PRPF18: variants seen among roughly 807,000 people sequenced by gnomAD.
The protein encoded by PRPF18 is pre-mRNA processing factor 18.
A neutral mutation model predicts 46.5 loss-of-function variants in PRPF18; 38 were observed. The observed-to-expected ratio is 0.82, with a 90% CI of 0.63 to 1.07. The LOEUF (loss-of-function observed/expected upper bound fraction) is 1.07. Among genes scored for constraint, PRPF18 ranks in the 50% least tolerant of loss-of-function variants. The pLI is 0.00. For missense variants in PRPF18, 263 were observed against 410.0 expected (o/e 0.64, Z 3.10); for synonymous variants, 152 against 146.7 (o/e 1.04, Z -0.26).
rs2133643375 is a variant in PRPF18, at chr10:13,610,188, A to G, written c.510+3A>G. The stretch of plus-strand genomic sequence containing the variant: ...ACACCACAATTGAAGAGTTAGAGGT[A>G]ATCTCTACACCAAGCCCAGCACATC... On this transcript the variant is annotated splice_donor_region_variant and intron_variant, in intron 5 of 9. Coordinates refer to ENST00000378572, the MANE Select transcript of PRPF18 (RefSeq NM_003675.4). 1.2e-6 allele frequency: 2 copies of G among 1,612,788 alleles called. No homozygotes were observed. The highest frequency in any genetic ancestry group is 1.7e-6 in the Non-Finnish European group (2 of 1,179,152).
intron 4 of PRPF18, among the ~76,000 whole-genome samples, chr10:13,608,263 C>T (rs981472297): frequency 1.6e-4 from 25 of 152,180 alleles, no homozygotes; most frequent in Non-Finnish European, 1.5e-4. Flanking sequence ...ATGAAGGCTG[C>T]GGCCGAAATC....
At chr10:13,602,296 CTT>C (rs1340716031) in intron 3 of PRPF18, among the ~76,000 whole-genome samples, 1 of 152,048 alleles carries the variant, frequency 6.6e-6, no homozygotes, top group Non-Finnish European at 1.5e-5. Flanking sequence ...GTTAATGTCT[CTT>C]GTTTTGTGGA....
At chr10:13,648,749 A>C in the PRPF18 span, 3 of 152,216 alleles carry the variant, frequency 2.0e-5, no homozygotes, top group African/African-American at 7.2e-5. Flanking sequence ...TTCATATGTA[A>C]CTAACGAATA....
the PRPF18 span, chr10:13,643,071 T>A: frequency 1.3e-5 from 2 of 152,290 alleles, no homozygotes; most frequent in Non-Finnish European, 2.9e-5. Context: ...AGTCACCATT[T>A]CATCTGTAAG....
chr10:13,610,650 C>T (rs2080256782), intron 5 of PRPF18, among the ~76,000 whole-genome samples: 1 of 152,136 alleles, frequency 6.6e-6, no homozygotes, highest in South Asian at 2.1e-4. Context: ...TTTTTGTTCT[C>T]CGGTAATGAT....
At chr10:13,644,985 A>G in the PRPF18 span, 1 of 152,252 alleles carries the variant, frequency 6.6e-6, no homozygotes, top group African/African-American at 2.4e-5. Context: ...CCAGCCATGC[A>G]TGGAGCTGGG....
chr10:13,642,626 C>T, the PRPF18 span: 54 of 152,210 alleles, frequency 3.5e-4, no homozygotes, highest in African/African-American at 1.3e-3. Flanking sequence ...ATCTTCCTAT[C>T]TACCAGTTGC....
At chr10:13,624,710 G>T (rs2080472511) in intron 9 of PRPF18, among the ~76,000 whole-genome samples, 1 of 152,232 alleles carries the variant, frequency 6.6e-6, no homozygotes, top group Non-Finnish European at 1.5e-5. Context: ...TCACCCCTCA[G>T]TTAGTAAGTT....
chr10:13,654,666 C>A, the PRPF18 span: 1 of 608,560 alleles, frequency 1.6e-6, no homozygotes, highest in South Asian at 2.0e-5. Context: ...CTCAGCATCC[C>A]TATGGCATGG....
chr10:13,636,104 A>T, the PRPF18 span, among the ~76,000 whole-genome samples: 1 of 152,212 alleles, frequency 6.6e-6, no homozygotes, highest in Admixed American at 6.5e-5. Context: ...GTATTACAAA[A>T]TAAATGGGAG....
rs971653855 is a variant in PRPF18, at chr10:13,605,626, T to C, written c.250-5T>C. The C allele has an allele frequency of 6.3e-7, 1 of 1,588,508 alleles. No homozygotes were observed. The highest frequency in any genetic ancestry group is 2.3e-5 in the East Asian group (1 of 44,390). ...AATTTACTGGGTATCTGTTTCACTT[T>C]GTAGGTCATCAGAAGATTGAGAGAA... On this transcript the variant is annotated splice_polypyrimidine_tract_variant and splice_region_variant and intron_variant, in intron 3 of 9. Transcript: ENST00000378572.
intron 1 of PRPF18, chr10:13,591,647 C>A: frequency 1.6e-6 from 1 of 618,100 alleles, no homozygotes; most frequent in South Asian, 1.8e-5. Context: ...TTCCTGGTGT[C>A]TGGGCTTCTG....
chr10:13,615,420 A>G (rs1245684491), intron 8 of PRPF18, among the ~76,000 whole-genome samples: 1 of 152,254 alleles, frequency 6.6e-6, no homozygotes, highest in East Asian at 1.9e-4. Flanking sequence ...GTTTATACAC[A>G]TGAAAATTAG....
At chr10:13,633,268 G>T (rs1352784058), downstream of PRPF18, among the ~76,000 whole-genome samples, 1 of 152,158 alleles carries the variant, frequency 6.6e-6, no homozygotes, top group Non-Finnish European at 1.5e-5. Context: ...ATCTGCTGTG[G>T]GCCCAGAGCG....
the PRPF18 span, chr10:13,637,160 A>C: frequency 2.0e-5 from 3 of 152,174 alleles, no homozygotes; most frequent in African/African-American, 7.2e-5. Context: ...ACATCTCTCT[A>C]TTTATATTCA....
In PRPF18 at chr10:13,630,389, C is replaced by A; in HGVS notation, c.*49C>A. 1 of 1,431,320 alleles carries A rather than the reference C, an allele frequency of 7.0e-7. No individual in the cohort carries two copies. The highest frequency in any genetic ancestry group is 9.8e-7 in the Non-Finnish European group (1 of 1,024,928). 88.7% of individuals were successfully genotyped at this position (1,431,320 alleles called of 1,614,324 possible). Reference sequence around the variant, plus strand: ...ACAATAAGAAACTTAGGGAAGCAGGCTGTGGACTTCTGGAATTACCAACAG... The same window carrying A: ...ACAATAAGAAACTTAGGGAAGCAGGATGTGGACTTCTGGAATTACCAACAG... On this transcript the variant is annotated 3_prime_UTR_variant, in exon 10 of 10. Transcript: ENST00000378572.
At chr10:13,607,571 C>T (rs1386672839) in intron 4 of PRPF18, among the ~76,000 whole-genome samples, 1 of 152,164 alleles carries the variant, frequency 6.6e-6, no homozygotes, top group East Asian at 1.9e-4. Context: ...GCCACCATGC[C>T]TGGCTGATTT....
chr10:13,611,126 A>G (rs1245277765), intron 5 of PRPF18, among the ~76,000 whole-genome samples: 1 of 151,504 alleles, frequency 6.6e-6, no homozygotes, highest in Non-Finnish European at 1.5e-5. Flanking sequence ...TGCCTCCTCC[A>G]ATACCTGTCT....
At chr10:13,631,204 G>T (rs1225001038), downstream of PRPF18, 3 of 152,324 alleles carry the variant, frequency 2.0e-5, no homozygotes, top group Non-Finnish European at 4.4e-5. Flanking sequence ...CCTGGCCTTG[G>T]TTTTCCACAG....
Sources: allele counts gnomAD v4.1 joint callset (sites outside exome capture counted in the v4.1 genomes callset), GRCh38; gene constraint gnomAD v4.1.1; transcripts MANE v1.5; gene names NCBI Gene and HGNC (gene_info 2026-07-23, HGNC 2026-07-21).